Variants in ATXN1 observed in about 807,000 individuals in gnomAD.
ATXN1 encodes ataxin 1, also known as ataxin-1.
Under a neutral mutation model 56.4 loss-of-function variants are expected in ATXN1, and 8 were observed. The observed-to-expected ratio is 0.14, with a 90% confidence interval of 0.08 to 0.26. ATXN1 has a LOEUF of 0.26. Among genes scored for constraint, ATXN1 ranks in the 10% least tolerant of loss-of-function variants. The pLI, the probability that ATXN1 is intolerant of heterozygous loss-of-function variation, is 1.00. For synonymous variants in ATXN1, 514 were observed against 494.6 expected, an observed-to-expected ratio of 1.04 and a Z score of -0.52; for missense variants, 987 against 1,106.5, an observed-to-expected ratio of 0.89 and a Z score of 1.53.
intron 2 of ATXN1, among the ~76,000 whole-genome samples, chr6:16,676,328 C>T (rs888087044): frequency 3.9e-5 from 6 of 152,130 alleles, no homozygotes. Flanking sequence ...AACTTTTTAC[C>T]TTGAAAGTTA....
chr6:16,549,211 A>G (rs1227249824), intron 4 of ATXN1, among the ~76,000 whole-genome samples: 1 of 152,086 alleles, frequency 6.6e-6, no homozygotes, highest in East Asian at 1.9e-4. Context: ...TCAAAAGTAT[A>G]GTATAGTAAG....
rs1377193203 is a variant in ATXN1 at position 16,326,821 on chromosome 6, G to T, written c.1490C>A (p.Thr497Asn). 15 of 1,607,864 alleles carry T rather than the reference G, an allele frequency of 9.3e-6. No homozygotes were observed. The highest frequency in any genetic ancestry group is 1.3e-5 in the Non-Finnish European group (15 of 1,175,616). The change falls in exon 7 of 8, where the codon ACT (threonine) becomes AAT (asparagine). Residue 497 changes from threonine (T) to asparagine (N), a missense_variant. Coordinates refer to ENST00000436367, the MANE Select transcript of ATXN1 (RefSeq NM_001128164.2). The surrounding 1 kb of genome is among the most constrained non-coding windows in gnomAD (Gnocchi z 6.6). ...GGCTGCCCCCGACGCTTCCATGTCAGTGCTGCCGACCGGGATGAGCAGGGG... is the reference window on the plus strand; with the variant it reads ...GGCTGCCCCCGACGCTTCCATGTCATTGCTGCCGACCGGGATGAGCAGGGG... ...TQPLLIPVGS[T>N]DMEASGAAPA...
At chr6:16,647,725 A>G (rs1192422584) in intron 3 of ATXN1, among the ~76,000 whole-genome samples, 1 of 152,254 alleles carries the variant, frequency 6.6e-6, no homozygotes, top group Non-Finnish European at 1.5e-5. Flanking sequence ...ATATATATGT[A>G]TATCAAAGCA....
intron 3 of ATXN1, among the ~76,000 whole-genome samples, chr6:16,586,943 G>A (rs555945326): frequency 2.0e-5 from 3 of 152,054 alleles, no homozygotes; most frequent in East Asian, 1.9e-4. Context: ...CACTTGAACC[G>A]GAAGGCAGAG....
intron 3 of ATXN1, among the ~76,000 whole-genome samples, chr6:16,609,453 C>T (rs1763066736): frequency 6.6e-6 from 1 of 152,212 alleles, no homozygotes; most frequent in African/African-American, 2.4e-5. Context: ...GTCTCTTGCA[C>T]GATGGCTTCA....
chr6:16,611,509 T>A (rs1459168334), intron 3 of ATXN1, among the ~76,000 whole-genome samples: 1 of 152,130 alleles, frequency 6.6e-6, no homozygotes, highest in Non-Finnish European at 1.5e-5. Flanking sequence ...CAAAAGAATC[T>A]CAGATGGTGT....
intron 3 of ATXN1, among the ~76,000 whole-genome samples, chr6:16,622,676 C>T (rs978476254): frequency 1.1e-3 from 166 of 152,168 alleles, no homozygotes; most frequent in African/African-American, 3.9e-3. Context: ...TTTACCCAGC[C>T]ATCTTTCTGT....
intron 3 of ATXN1, among the ~76,000 whole-genome samples, chr6:16,610,644 A>G (rs1763087685): frequency 6.6e-6 from 1 of 152,164 alleles, no homozygotes; most frequent in Non-Finnish European, 1.5e-5. Flanking sequence ...ATTTCATAGA[A>G]TATATTTGAA....
intron 6 of ATXN1, among the ~76,000 whole-genome samples, chr6:16,451,231 G>A (rs1166764404): frequency 6.6e-6 from 1 of 152,256 alleles, no homozygotes; most frequent in African/African-American, 2.4e-5. Flanking sequence ...ACTTTGGGAT[G>A]CCCAGGTGGG....
chr6:16,370,990 C>T (rs1005747373), intron 6 of ATXN1, among the ~76,000 whole-genome samples: 1 of 152,068 alleles, frequency 6.6e-6, no homozygotes, highest in African/African-American at 2.4e-5. Context: ...CCTGGGATGT[C>T]GTGGTGGCTA....
intron 7 of ATXN1, among the ~76,000 whole-genome samples, chr6:16,307,565 T>C (rs1208295753): frequency 6.6e-6 from 1 of 151,856 alleles, no homozygotes; most frequent in Non-Finnish European, 1.5e-5. Context: ...TCCCAGCTAC[T>C]TGGGAGGCTG....
intron 3 of ATXN1, among the ~76,000 whole-genome samples, chr6:16,619,137 T>TA (rs1281845464): frequency 6.6e-6 from 1 of 152,136 alleles, no homozygotes; most frequent in African/African-American, 2.4e-5. Context: ...CTTTTTTTTT[T>TA]AATTACAGTA....
At chr6:16,395,720 T>G (rs1256203107) in intron 6 of ATXN1, among the ~76,000 whole-genome samples, 2 of 152,124 alleles carry the variant, frequency 1.3e-5, no homozygotes, top group Non-Finnish European at 2.9e-5. Flanking sequence ...TTTCTACCTA[T>G]AAGAAATTAA....
chr6:16,452,311 G>A lies in ATXN1; in HGVS notation c.-161+33661C>T, dbSNP rs145535169. On this transcript the variant is annotated intron_variant, in intron 6 of 7. Transcript: ENST00000436367. ...TGAATACATGCAGGGATGAATATGTGATGAACAGGTTACAAATACGGTTCA... is the reference window on the plus strand; with the variant it reads ...TGAATACATGCAGGGATGAATATGTAATGAACAGGTTACAAATACGGTTCA... 1.4e-3 allele frequency among the ~76,000 whole-genome samples: 215 copies of A among 152,316 alleles called. 6 individuals carry two copies. In the East Asian group the frequency reaches 0.036, roughly 25 times the overall value.
intron 5 of ATXN1, among the ~76,000 whole-genome samples, chr6:16,514,457 CTCAGCAACCACACATTCCGTTTTACTT>C (rs1482261908): frequency 6.6e-6 from 1 of 152,126 alleles, no homozygotes; most frequent in Non-Finnish European, 1.5e-5. Context: ...AACAGCTAGA[CTCAGCAACCACACATTCCGTTTTACTT>C]TCTCGCCCAC....
intron 6 of ATXN1, among the ~76,000 whole-genome samples, chr6:16,432,063 A>G (rs116024786): frequency 0.022 from 3,414 of 152,308 alleles, 54 homozygotes; most frequent in Non-Finnish European, 0.036. Context: ...ACCAAATGGT[A>G]CTAATATAAA....
At chr6:16,414,020 G>T (rs1335637352) in intron 6 of ATXN1, among the ~76,000 whole-genome samples, 1 of 152,214 alleles carries the variant, frequency 6.6e-6, no homozygotes. Flanking sequence ...TTGTAAAAGT[G>T]ATGCTTAATT....
chr6:16,491,281 T>TA (rs58463209), intron 5 of ATXN1, among the ~76,000 whole-genome samples: 72,840 of 113,634 alleles, frequency 0.64, 23,237 homozygotes, highest in East Asian at 0.72. Flanking sequence ...ATTATTATTT[T>TA]TTTTTTTTTT....
chr6:16,436,030 T>C (rs537687224), intron 6 of ATXN1, among the ~76,000 whole-genome samples: 1 of 152,258 alleles, frequency 6.6e-6, no homozygotes, highest in African/African-American at 2.4e-5. Context: ...CCTGAGTGGC[T>C]GGGACTACAG....
Sources: gnomAD v4.1 joint callset for allele counts (sites outside exome capture counted in the v4.1 genomes callset) on GRCh38, gnomAD v4.1.1 for gene constraint, Gnocchi (gnomAD v3.1) non-coding constraint, MANE v1.5 for transcripts, NCBI Gene and HGNC (gene_info 2026-07-23, HGNC 2026-07-21) for gene names.